ARFIP1: variants seen among roughly 807,000 people sequenced by gnomAD.
ARFIP1 encodes the protein ARF interacting protein 1.
Under a neutral mutation model 42.5 loss-of-function variants are expected in ARFIP1, and 24 were observed. The observed-to-expected ratio is 0.57, with a 90% confidence interval of 0.41 to 0.80. The LOEUF is 0.80. ARFIP1 is among the 30% of genes least tolerant of loss of function. The pLI is 0.00. For synonymous variants in ARFIP1, 141 were observed against 153.7 expected, an observed-to-expected ratio of 0.92 and a Z score of 0.61; for missense variants, 354 against 434.0, an observed-to-expected ratio of 0.82 and a Z score of 1.64.
At chr4:152,906,516 A>T (rs1224481116) in intron 8 of ARFIP1, among the ~76,000 whole-genome samples, 1 of 152,132 alleles carries the variant, frequency 6.6e-6, no homozygotes, top group African/African-American at 2.4e-5. Context: ...TCTTCACATT[A>T]TATTCAGAAT....
intron 2 of ARFIP1, among the ~76,000 whole-genome samples, chr4:152,837,708 T>C (rs1340845438): frequency 6.6e-6 from 1 of 152,310 alleles, no homozygotes; most frequent in South Asian, 2.1e-4. Context: ...ATTGTGAAGA[T>C]TTTGTCCCAC....
intron 1 of ARFIP1, among the ~76,000 whole-genome samples, chr4:152,823,075 CA>C (rs1050522632): frequency 2.7e-5 from 4 of 150,878 alleles, no homozygotes; most frequent in African/African-American, 7.3e-5. Flanking sequence ...GAAATTGAAA[CA>C]AAAAAATACA....
At chr4:152,821,597 G>C (rs1170737584) in intron 1 of ARFIP1, among the ~76,000 whole-genome samples, 1 of 152,130 alleles carries the variant, frequency 6.6e-6, no homozygotes, top group East Asian at 1.9e-4. Flanking sequence ...AAAACTCCCT[G>C]GCCTTGTTGG....
chr4:152,809,425 A>G (rs1239662547), intron 1 of ARFIP1, among the ~76,000 whole-genome samples: 1 of 152,252 alleles, frequency 6.6e-6, no homozygotes, highest in Non-Finnish European at 1.5e-5. Context: ...AAAGGAATGA[A>G]CTACTGATGC....
intron 7 of ARFIP1, among the ~76,000 whole-genome samples, chr4:152,886,166 C>T (rs557146911): frequency 2.6e-5 from 4 of 152,068 alleles, no homozygotes; most frequent in Non-Finnish European, 4.4e-5. Flanking sequence ...ATATGTCCAT[C>T]GTTTTCTAAT....
intron 8 of ARFIP1, among the ~76,000 whole-genome samples, chr4:152,895,975 C>G (rs181015711): frequency 2.0e-5 from 3 of 151,992 alleles, no homozygotes; most frequent in Non-Finnish European, 4.4e-5. Context: ...CAAACAATTA[C>G]GTAAATACAA....
At chr4:152,785,324 A>G (rs147872286) in intron 1 of ARFIP1, among the ~76,000 whole-genome samples, 20 of 152,362 alleles carry the variant, frequency 1.3e-4, no homozygotes, top group African/African-American at 4.6e-4. Context: ...AGCAGATAAC[A>G]TCACCACATT....
intron 8 of ARFIP1, among the ~76,000 whole-genome samples, chr4:152,889,041 C>T (rs1467633804): frequency 6.6e-6 from 1 of 152,100 alleles, no homozygotes; most frequent in Non-Finnish European, 1.5e-5. Context: ...TGGGTCTCAC[C>T]ATTGCACGTT....
In ARFIP1 at chr4:152,859,247, A is replaced by T. The variant is rs931438300; in HGVS notation, c.94-4359A>T. Among the ~76,000 whole-genome samples the T allele has an allele frequency of 4.6e-5, 7 of 152,036 alleles. No homozygotes were observed. The East Asian group carries it at 1.4e-3, about 29-fold the overall frequency. On this transcript the variant is annotated intron_variant, in intron 2 of 8. Coordinates refer to ENST00000353617, the MANE Select transcript of ARFIP1 (RefSeq NM_001025595.3). Reference sequence around the variant, plus strand: ...CAGCTGAATTTTTGTATTTTTTTAGAGTTGGGGTTTTGCCATGTTGCCTAG... The same window carrying T: ...CAGCTGAATTTTTGTATTTTTTTAGTGTTGGGGTTTTGCCATGTTGCCTAG...
chr4:152,886,464 C>T (rs1736272033), intron 7 of ARFIP1, among the ~76,000 whole-genome samples: 1 of 152,000 alleles, frequency 6.6e-6, no homozygotes, highest in African/African-American at 2.4e-5. Flanking sequence ...GTCATTGTAT[C>T]TTACAAATCT....
At chr4:152,906,657 T>C (rs1738381181) in intron 8 of ARFIP1, among the ~76,000 whole-genome samples, 1 of 152,228 alleles carries the variant, frequency 6.6e-6, no homozygotes, top group Non-Finnish European at 1.5e-5. Context: ...AAATTAAGTG[T>C]TGTCATTTTT....
intron 1 of ARFIP1, chr4:152,796,413 T>C (rs778656395): frequency 2.2e-5 from 16 of 739,798 alleles, no homozygotes; most frequent in Admixed American, 1.9e-4. Flanking sequence ...TTCCATGCCT[T>C]CTTCTTTCTC....
chr4:152,878,533 T>G (rs1334816766), intron 5 of ARFIP1, among the ~76,000 whole-genome samples: 6 of 152,194 alleles, frequency 3.9e-5, no homozygotes, highest in African/African-American at 1.4e-4. Context: ...ATTTCCAGAT[T>G]CTTTAGGTTT....
intron 8 of ARFIP1, among the ~76,000 whole-genome samples, chr4:152,897,628 A>T (rs553029206): frequency 2.2e-4 from 33 of 152,338 alleles, no homozygotes; most frequent in African/African-American, 7.2e-4. Context: ...TTTACTTTTT[A>T]ATCATTATTG....
At chr4:152,896,264 T>C (rs1373166260) in intron 8 of ARFIP1, among the ~76,000 whole-genome samples, 1 of 152,156 alleles carries the variant, frequency 6.6e-6, no homozygotes, top group African/African-American at 2.4e-5. Flanking sequence ...AGAGGTAGTT[T>C]AGGGCCTACA....
chr4:152,834,541 T>A (rs1173925964), intron 2 of ARFIP1, among the ~76,000 whole-genome samples: 1 of 152,150 alleles, frequency 6.6e-6, no homozygotes, highest in Admixed American at 6.5e-5. Flanking sequence ...CCCACACAAA[T>A]CTGAAACCCA....
intron 2 of ARFIP1, among the ~76,000 whole-genome samples, chr4:152,847,124 C>CTTTTTGTTTTTTTTTTTTTTTTTTTTT (rs1732601851): frequency 2.5e-5 from 1 of 40,582 alleles, no homozygotes; most frequent in Non-Finnish European, 4.5e-5. Context: ...TAGGTTTGTT[C>CTTTTTGTTTTTTTTTTTTTTTTTTTTT]TTTTTTTTTT....
intron 2 of ARFIP1, among the ~76,000 whole-genome samples, chr4:152,851,348 G>A (rs537923682): frequency 5.4e-4 from 83 of 152,316 alleles, no homozygotes; most frequent in Non-Finnish European, 5.6e-4. Context: ...ATAAGCTGAG[G>A]TCTGAAGGAT....
intron 1 of ARFIP1, among the ~76,000 whole-genome samples, chr4:152,784,457 G>C (rs1730678153): frequency 6.6e-6 from 1 of 152,196 alleles, no homozygotes; most frequent in Non-Finnish European, 1.5e-5. Context: ...GATGGGCATA[G>C]GCAGGTGTTG....
Sources: allele counts gnomAD v4.1 joint callset (sites outside exome capture counted in the v4.1 genomes callset), GRCh38; gene constraint gnomAD v4.1.1; transcripts MANE v1.5; gene names NCBI Gene and HGNC (gene_info 2026-07-23, HGNC 2026-07-21).